Variants in JAZF1 observed in about 807,000 individuals in gnomAD.
JAZF1 encodes the protein JAZF zinc finger 1, also known as juxtaposed with another zinc finger protein 1.
In JAZF1, 8 loss-of-function variants were observed where a neutral mutation model predicts 26.4. That is an observed-to-expected ratio of 0.30 (90% CI 0.18 to 0.55). JAZF1 has a LOEUF of 0.55. JAZF1 is among the 20% of genes least tolerant of loss of function. The probability of loss-of-function intolerance (pLI) is 0.94; values close to 1 mark genes in which losing one functional copy is unlikely to be tolerated. For missense variants in JAZF1, 199 were observed against 322.0 expected, an observed-to-expected ratio of 0.62 and a Z score of 2.92; for synonymous variants, 126 against 122.3, an observed-to-expected ratio of 1.03 and a Z score of -0.20.
intron 1 of JAZF1, among the ~76,000 whole-genome samples, chr7:28,069,609 C>T (rs1000826330): frequency 2.6e-5 from 4 of 152,148 alleles, no homozygotes; most frequent in African/African-American, 9.7e-5. Flanking sequence ...GTACCAGGTT[C>T]AAAGGGCAGA....
intron 1 of JAZF1, among the ~76,000 whole-genome samples, chr7:28,101,721 G>A (rs540928876): frequency 6.6e-6 from 1 of 152,196 alleles, no homozygotes; most frequent in Non-Finnish European, 1.5e-5. Flanking sequence ...TCCAGTCTGG[G>A]TGATAGAGCA....
chr7:27,968,361 G>GA (rs1206344546), intron 2 of JAZF1, among the ~76,000 whole-genome samples: 2 of 151,824 alleles, frequency 1.3e-5, no homozygotes, highest in African/African-American at 4.8e-5. Flanking sequence ...CTTGAAGATG[G>GA]AAAAAAAATG....
At chr7:28,176,594 T>G (rs1217087373) in intron 1 of JAZF1, among the ~76,000 whole-genome samples, 3 of 152,244 alleles carry the variant, frequency 2.0e-5, no homozygotes, top group Non-Finnish European at 4.4e-5. Context: ...GTTTATTGTC[T>G]GGCCCCCTAT....
At chr7:28,051,249 T>C (rs7778929) in intron 1 of JAZF1, among the ~76,000 whole-genome samples, 136,259 of 151,568 alleles carry the variant, frequency 0.9, 61,980 homozygotes, top group African/African-American at 0.98. Context: ...TTTTTTGAGA[T>C]GGAGTCTTGC....
chr7:27,966,244 GCA>G (rs1423402622), intron 2 of JAZF1, among the ~76,000 whole-genome samples: 1 of 152,242 alleles, frequency 6.6e-6, no homozygotes, highest in African/African-American at 2.4e-5. Flanking sequence ...GAGGTGCCTT[GCA>G]CAGATGCTGG....
intron 1 of JAZF1, among the ~76,000 whole-genome samples, chr7:28,170,618 T>A (rs1207007634): frequency 6.6e-6 from 1 of 152,144 alleles, no homozygotes; most frequent in African/African-American, 2.4e-5. Context: ...TTCAGAAGCC[T>A]TGACACATTC....
chr7:28,120,676 C>T (rs1361680224), intron 1 of JAZF1, among the ~76,000 whole-genome samples: 1 of 151,764 alleles, frequency 6.6e-6, no homozygotes. Context: ...CATGCAGGGA[C>T]TCTCAAGCTG....
chr7:28,069,103 G>C (rs1783929697), intron 1 of JAZF1, among the ~76,000 whole-genome samples: 1 of 152,224 alleles, frequency 6.6e-6, no homozygotes, highest in Non-Finnish European at 1.5e-5. Flanking sequence ...CATCCAATCT[G>C]CCTACTGACA....
At chr7:28,013,160 G>GC (rs1178829942) in intron 1 of JAZF1, among the ~76,000 whole-genome samples, 7 of 152,132 alleles carry the variant, frequency 4.6e-5, no homozygotes, top group African/African-American at 1.7e-4. Flanking sequence ...ACACCTGAGT[G>GC]CACCCCCGGT....
chr7:28,074,755 T>C (rs572717525), intron 1 of JAZF1, among the ~76,000 whole-genome samples: 4 of 152,354 alleles, frequency 2.6e-5, no homozygotes, highest in East Asian at 1.9e-4. Flanking sequence ...ATGTGTGAAA[T>C]TGTTTATTTT....
At chr7:28,173,533 A>C (rs1481885214) in intron 1 of JAZF1, among the ~76,000 whole-genome samples, 1 of 152,170 alleles carries the variant, frequency 6.6e-6, no homozygotes, top group Non-Finnish European at 1.5e-5. Context: ...ATATATATTT[A>C]TTTCTATATA....
chr7:27,877,296 C>CT (rs1242520990), intron 3 of JAZF1, among the ~76,000 whole-genome samples: 2 of 152,156 alleles, frequency 1.3e-5, no homozygotes, highest in Admixed American at 6.5e-5. Context: ...AAATACCAAA[C>CT]TTTTTTTTGT....
At chr7:27,850,573 A>G (rs1783126105) in intron 3 of JAZF1, among the ~76,000 whole-genome samples, 1 of 152,250 alleles carries the variant, frequency 6.6e-6, no homozygotes, top group Non-Finnish European at 1.5e-5. Flanking sequence ...ACAAGGAGCC[A>G]CTGGACATGT....
rs1234941479 is a variant in JAZF1 at position 27,917,106 on chromosome 7, A to G, written c.189-21690T>C. Among the ~76,000 whole-genome samples, 3 of 152,194 alleles carry G rather than the reference A, an allele frequency of 2.0e-5. No individual in the cohort carries two copies. In the South Asian group the frequency reaches 6.2e-4, roughly 32 times the overall value. On this transcript the variant is annotated intron_variant, in intron 2 of 4. Transcript: ENST00000283928. ...GAAATAACCGATTGTACCTTAAACT[A>G]CAGGCTCTTACTATGCATTCACCCA... is the stretch of plus-strand genomic sequence containing the variant.
intron 1 of JAZF1, among the ~76,000 whole-genome samples, chr7:28,158,468 C>G (rs749267954): frequency 6.6e-6 from 1 of 152,166 alleles, no homozygotes; most frequent in Non-Finnish European, 1.5e-5. Flanking sequence ...CCACTGAAGA[C>G]AGCAACAGGT....
intron 1 of JAZF1, among the ~76,000 whole-genome samples, chr7:28,131,662 C>T (rs1262748403): frequency 2.0e-5 from 3 of 152,318 alleles, no homozygotes; most frequent in African/African-American, 7.2e-5. Flanking sequence ...AAGCACTTCT[C>T]AACACTAACC....
intron 2 of JAZF1, among the ~76,000 whole-genome samples, chr7:27,931,812 T>C (rs1784692900): frequency 6.6e-6 from 1 of 151,944 alleles, no homozygotes; most frequent in African/African-American, 2.4e-5. Flanking sequence ...GAGAATTGCT[T>C]GAACCTGGGA....
At chr7:28,092,473 T>C (rs1784318709) in intron 1 of JAZF1, among the ~76,000 whole-genome samples, 2 of 147,788 alleles carry the variant, frequency 1.4e-5, no homozygotes, top group Admixed American at 6.6e-5. Context: ...GGATAAGCAA[T>C]ATTAAAAGTA....
At chr7:27,923,981 T>C (rs1784572795) in intron 2 of JAZF1, among the ~76,000 whole-genome samples, 1 of 152,198 alleles carries the variant, frequency 6.6e-6, no homozygotes, top group Non-Finnish European at 1.5e-5. Flanking sequence ...GGCCTTATAC[T>C]TGGGCACAAG....
Sources: gnomAD v4.1 joint callset for allele counts (sites outside exome capture counted in the v4.1 genomes callset) on GRCh38, gnomAD v4.1.1 for gene constraint, MANE v1.5 for transcripts, NCBI Gene and HGNC (gene_info 2026-07-23, HGNC 2026-07-21) for gene names.